CNTN5: variants seen among roughly 807,000 people sequenced by gnomAD.
CNTN5 encodes contactin-5.
In CNTN5, 77 loss-of-function variants were observed where a neutral mutation model predicts 129.1. The ratio of observed to expected loss-of-function variants is 0.60; its 90% CI spans 0.50 to 0.72. The LOEUF is 0.72. Ranked by LOEUF, CNTN5 falls within the 30% of genes least tolerant of loss-of-function variation. The probability of loss-of-function intolerance (pLI) is 0.00; values close to 1 mark genes in which losing one functional copy is unlikely to be tolerated. For missense variants in CNTN5, 1,478 were observed against 1,328.8 expected (o/e 1.11, Z -1.75); for synonymous variants, 509 against 465.6 (o/e 1.09, Z -1.20).
In CNTN5 at chr11:100,286,538, T is replaced by TGA. The variant is rs1314669058; in HGVS notation, c.2315-11085_2315-11084dup. On this transcript the variant is annotated intron_variant, in intron 18 of 24. Coordinates refer to ENST00000524871, the MANE Select transcript of CNTN5 (RefSeq NM_014361.4). ...CAGGGTATTCCAACAGACCTGCAGC[T>TGA]GAGGGTCCTGTCTGTTAGAAGGAAA... Among the ~76,000 whole-genome samples the TGA allele has an allele frequency of 2.0e-5, 3 of 147,822 alleles. No homozygotes were observed. The East Asian group carries it at 6.0e-4, about 30-fold the overall frequency.
intron 13 of CNTN5, among the ~76,000 whole-genome samples, chr11:100,163,583 T>C (rs1947527118): frequency 6.6e-6 from 1 of 151,830 alleles, no homozygotes; most frequent in South Asian, 2.1e-4. Context: ...CTTTGGAGTT[T>C]ACTGTGAATA....
intron 4 of CNTN5, among the ~76,000 whole-genome samples, chr11:99,842,200 C>A (rs1947530558): frequency 6.6e-6 from 1 of 151,962 alleles, no homozygotes; most frequent in African/African-American, 2.4e-5. Context: ...CGGGTATTTC[C>A]TTTCTAGATT....
intron 3 of CNTN5, among the ~76,000 whole-genome samples, chr11:99,559,342 C>T (rs780800977): frequency 1.6e-4 from 24 of 152,096 alleles, no homozygotes; most frequent in South Asian, 4.1e-4. Flanking sequence ...TGAAAATCTA[C>T]GGATTATCTT....
At chr11:99,545,724 T>C (rs1948268344) in intron 2 of CNTN5, among the ~76,000 whole-genome samples, 1 of 152,216 alleles carries the variant, frequency 6.6e-6, no homozygotes, top group Admixed American at 6.5e-5. Context: ...TTGAAAACTA[T>C]TTAAGTCAGA....
intron 2 of CNTN5, among the ~76,000 whole-genome samples, chr11:99,445,742 G>A (rs186757233): frequency 6.6e-6 from 1 of 151,950 alleles, no homozygotes; most frequent in African/African-American, 2.4e-5. Flanking sequence ...TTCAGAGGAC[G>A]TAACATTATT....
At chr11:100,183,113 C>T (rs1368321734) in intron 13 of CNTN5, among the ~76,000 whole-genome samples, 3 of 152,034 alleles carry the variant, frequency 2.0e-5, no homozygotes, top group South Asian at 2.1e-4. Flanking sequence ...ACTGACCATA[C>T]GAAGTGCTGC....
intron 2 of CNTN5, among the ~76,000 whole-genome samples, chr11:99,408,484 A>AAGAAAGAAAGAAAGAAAG (rs1942232407): frequency 6.8e-6 from 1 of 146,168 alleles, no homozygotes; most frequent in Non-Finnish European, 1.5e-5. Flanking sequence ...GAAAGAAAGA[A>AAGAAAGAAAGAAAGAAAG]AGAAAGAAAG....
intron 2 of CNTN5, among the ~76,000 whole-genome samples, chr11:99,392,765 T>A (rs767869395): frequency 4.0e-5 from 6 of 151,886 alleles, no homozygotes; most frequent in Admixed American, 6.6e-5. Flanking sequence ...CATGAATTGT[T>A]CACATTTTTC....
At chr11:99,389,869 A>T (rs553698771) in intron 2 of CNTN5, among the ~76,000 whole-genome samples, 1 of 152,314 alleles carries the variant, frequency 6.6e-6, no homozygotes, top group Admixed American at 6.5e-5. Context: ...AAATCACATT[A>T]ACCAGAATTG....
intron 1 of CNTN5, among the ~76,000 whole-genome samples, chr11:99,053,776 A>G (rs1358012564): frequency 1.3e-5 from 2 of 151,962 alleles, no homozygotes; most frequent in Admixed American, 1.3e-4. Flanking sequence ...CATTAGGCTT[A>G]AGTTGTGATT....
chr11:99,596,962 TTCAA>T, intron 3 of CNTN5, among the ~76,000 whole-genome samples: 1 of 152,324 alleles, frequency 6.6e-6, no homozygotes, highest in Admixed American at 6.5e-5. Context: ...GGAAGTTTTC[TTCAA>T]TCAATGATTA....
intron 1 of CNTN5, among the ~76,000 whole-genome samples, chr11:99,253,330 T>C (rs1293722660): frequency 6.6e-6 from 1 of 152,136 alleles, no homozygotes; most frequent in Non-Finnish European, 1.5e-5. Context: ...TTAAATCTCT[T>C]TCCTTATAAA....
intron 1 of CNTN5, among the ~76,000 whole-genome samples, chr11:99,207,713 A>G (rs1457334055): frequency 1.3e-5 from 2 of 152,204 alleles, no homozygotes; most frequent in Non-Finnish European, 2.9e-5. Flanking sequence ...TACAAACATT[A>G]AATATTTTTG....
intron 8 of CNTN5, among the ~76,000 whole-genome samples, chr11:99,977,678 G>A (rs1478302751): frequency 6.6e-6 from 1 of 152,056 alleles, no homozygotes; most frequent in Non-Finnish European, 1.5e-5. Context: ...AGCACTAGGG[G>A]GATGGTGCTA....
chr11:99,735,930 A>G (rs935685532), intron 3 of CNTN5, among the ~76,000 whole-genome samples: 2 of 151,990 alleles, frequency 1.3e-5, no homozygotes, highest in African/African-American at 4.8e-5. Flanking sequence ...CCGTCTCCTC[A>G]TTCATCCTCC....
At chr11:99,227,577 C>A (rs1009145792) in intron 1 of CNTN5, among the ~76,000 whole-genome samples, 44 of 152,034 alleles carry the variant, frequency 2.9e-4, no homozygotes, top group African/African-American at 1.0e-3. Context: ...TATTTCTGAA[C>A]AATTTTATAT....
At chr11:99,292,829 T>C (rs1044800997) in intron 1 of CNTN5, among the ~76,000 whole-genome samples, 2 of 151,720 alleles carry the variant, frequency 1.3e-5, no homozygotes, top group African/African-American at 4.8e-5. Context: ...GAAGAAAGTA[T>C]AGGACTCCTT....
At position 99,670,550 on chromosome 11, in the gene CNTN5, A is replaced by T. The variant is rs1027225390; in HGVS notation, c.55+114281A>T. Among the ~76,000 whole-genome samples, 38 of 152,210 alleles carry T rather than the reference A, an allele frequency of 2.5e-4. 1 individual carries two copies. The highest frequency in any genetic ancestry group is 2.4e-3 in the Admixed American group (36 of 15,280). The stretch of plus-strand genomic sequence containing the variant: ...CTGCATAAAATGATTGAGTGGCTGC[A>T]TGGGAAAAACCACCTCACTAGTATC... On this transcript the variant is annotated intron_variant, in intron 3 of 24. Coordinates refer to ENST00000524871, the MANE Select transcript of CNTN5 (RefSeq NM_014361.4).
intron 13 of CNTN5, among the ~76,000 whole-genome samples, chr11:100,088,483 G>A (rs1944638470): frequency 6.6e-6 from 1 of 151,812 alleles, no homozygotes; most frequent in Non-Finnish European, 1.5e-5. Context: ...AAAATTGACA[G>A]ACTGCTAGCT....
Sources: gnomAD v4.1 joint callset for allele counts (sites outside exome capture counted in the v4.1 genomes callset) on GRCh38, gnomAD v4.1.1 for gene constraint, MANE v1.5 for transcripts, NCBI Gene and HGNC (gene_info 2026-07-23, HGNC 2026-07-21) for gene names.